Variants in DPP6 observed in about 807,000 individuals in gnomAD.
The protein encoded by DPP6 is A-type potassium channel modulatory protein DPP6.
In DPP6, 69 loss-of-function variants were observed where a neutral mutation model predicts 122.6. That is an observed-to-expected ratio of 0.56 (90% confidence interval 0.46 to 0.69). The LOEUF (loss-of-function observed/expected upper bound fraction) is 0.69, where lower values mean the gene tolerates loss of function less well. Among genes scored for constraint, DPP6 ranks in the 30% least tolerant of loss-of-function variants. The pLI is 0.00. For missense variants in DPP6, 928 were observed against 1,116.9 expected (o/e 0.83, Z 2.41); for synonymous variants, 418 against 433.1 (o/e 0.97, Z 0.43).
chr7:154,309,926 A>G (rs1806714760), intron 1 of DPP6, among the ~76,000 whole-genome samples: 1 of 151,694 alleles, frequency 6.6e-6, no homozygotes, highest in African/African-American at 2.4e-5. Context: ...GGTCTAAATT[A>G]TCTAAGACTC....
chr7:154,354,306 A>T (rs1811104078), intron 1 of DPP6, among the ~76,000 whole-genome samples: 1 of 152,190 alleles, frequency 6.6e-6, no homozygotes, highest in South Asian at 2.1e-4. Flanking sequence ...GTCATGTGTC[A>T]TGTGATAAGC....
Position 154,369,646 on chromosome 7 carries a change from G to A in DPP6, c.244-76568G>A, listed in dbSNP as rs574843637. 1.1e-4 allele frequency among the ~76,000 whole-genome samples: 16 copies of A among 151,894 alleles called. No individual in the cohort carries two copies. The East Asian group carries it at 1.2e-3, about 11-fold the overall frequency. ...CTCCCAAAGTGCTGGGATTACAGGCGTGAGCCACCACACCCAGCCTCAACT... is the reference window on the plus strand; with the variant it reads ...CTCCCAAAGTGCTGGGATTACAGGCATGAGCCACCACACCCAGCCTCAACT... On this transcript the variant is annotated intron_variant, in intron 1 of 25. Transcript: ENST00000377770.
chr7:153,957,891 C>T (rs922941655), intron 1 of DPP6, among the ~76,000 whole-genome samples: 20 of 152,150 alleles, frequency 1.3e-4, no homozygotes, highest in African/African-American at 3.6e-4. Context: ...TGCTCGGGCG[C>T]GGTGGCTCAC....
chr7:154,805,017 G>C, intron 15 of DPP6, 53 bp downstream of exon 15: 2 of 1,554,492 alleles, frequency 1.3e-6, no homozygotes, highest in Non-Finnish European at 8.7e-7. Flanking sequence ...AGGGCATCCA[G>C]GCTTTGCAGA....
intron 3 of DPP6, among the ~76,000 whole-genome samples, chr7:154,535,564 G>A (rs571850626): frequency 2.0e-5 from 3 of 151,274 alleles, no homozygotes; most frequent in Admixed American, 2.0e-4. Context: ...ACAGGCCCCA[G>A]TGTTTAAAAA....
chr7:154,288,292 A>C (rs542461470), intron 1 of DPP6, among the ~76,000 whole-genome samples: 1 of 152,312 alleles, frequency 6.6e-6, no homozygotes, highest in East Asian at 1.9e-4. Flanking sequence ...AGAAGACAAG[A>C]CACTGGAAGA....
intron 7 of DPP6, among the ~76,000 whole-genome samples, chr7:154,719,711 C>T (rs1158502201): frequency 6.6e-6 from 1 of 152,242 alleles, no homozygotes; most frequent in Non-Finnish European, 1.5e-5. Context: ...TGCAGTTCCC[C>T]TGCCTCCCTT....
intron 1 of DPP6, among the ~76,000 whole-genome samples, chr7:154,420,406 C>A (rs1247683858): frequency 6.6e-6 from 1 of 152,096 alleles, no homozygotes; most frequent in Non-Finnish European, 1.5e-5. Flanking sequence ...AAGCCAGTCA[C>A]GGAGGGACAA....
At chr7:154,006,164 C>T (rs1312551829) in intron 1 of DPP6, among the ~76,000 whole-genome samples, 1 of 152,222 alleles carries the variant, frequency 6.6e-6, no homozygotes, top group Non-Finnish European at 1.5e-5. Flanking sequence ...GTAGCAGCAT[C>T]TGCCCTGACC....
chr7:154,149,713 G>A (rs1407282296), intron 1 of DPP6, among the ~76,000 whole-genome samples: 1 of 152,222 alleles, frequency 6.6e-6, no homozygotes, highest in Non-Finnish European at 1.5e-5. Context: ...TTAACTGCTA[G>A]GATATGAATC....
intron 1 of DPP6, among the ~76,000 whole-genome samples, chr7:153,889,925 C>T (rs1799113857): frequency 6.6e-6 from 1 of 152,176 alleles, no homozygotes; most frequent in South Asian, 2.1e-4. Flanking sequence ...TTTTCATGTT[C>T]CAAGGAAATC....
chr7:154,405,155 A>G (rs1029529908), intron 1 of DPP6, among the ~76,000 whole-genome samples: 1 of 152,172 alleles, frequency 6.6e-6, no homozygotes, highest in Non-Finnish European at 1.5e-5. Flanking sequence ...TTATTATCCC[A>G]GTTTGTAGAT....
chr7:154,867,949 T>G (rs1241831190), intron 17 of DPP6, 46 bp from the exon 18 acceptor site: 1 of 1,549,028 alleles, frequency 6.5e-7, no homozygotes, highest in Admixed American at 2.0e-5. Context: ...AGGTCCTCCA[T>G]GAGTGACCAC....
intron 1 of DPP6, among the ~76,000 whole-genome samples, chr7:154,436,545 G>A (rs992654287): frequency 1.8e-4 from 28 of 152,208 alleles, no homozygotes; most frequent in African/African-American, 6.7e-4. Flanking sequence ...AGTTCAGCAC[G>A]TTAGGCCAAT....
At chr7:154,239,640 G>A (rs1159836519) in intron 1 of DPP6, among the ~76,000 whole-genome samples, 1 of 152,066 alleles carries the variant, frequency 6.6e-6, no homozygotes, top group African/African-American at 2.4e-5. Flanking sequence ...CCTGTCAGCA[G>A]TAGGCTATTA....
intron 1 of DPP6, among the ~76,000 whole-genome samples, chr7:154,216,980 A>C (rs1039258676): frequency 2.6e-5 from 4 of 152,116 alleles, no homozygotes; most frequent in African/African-American, 9.6e-5. Context: ...GATTTATTCT[A>C]ATCCTAATTG....
chr7:153,762,038 T>C, the DPP6 span, among the ~76,000 whole-genome samples: 1 of 152,228 alleles, frequency 6.6e-6, no homozygotes. Flanking sequence ...TCTAGTTACA[T>C]GTCCTGCAGT....
At chr7:154,172,519 G>C (rs1364047360) in intron 1 of DPP6, among the ~76,000 whole-genome samples, 2 of 151,916 alleles carry the variant, frequency 1.3e-5, no homozygotes, top group Non-Finnish European at 2.9e-5. Flanking sequence ...GCTTGCCCTG[G>C]ATAAAGTGCA....
At chr7:154,477,475 A>G (rs1383539268) in intron 3 of DPP6, among the ~76,000 whole-genome samples, 3 of 151,960 alleles carry the variant, frequency 2.0e-5, no homozygotes, top group African/African-American at 7.3e-5. Context: ...TATAAGGTAT[A>G]TATTTTTATT....
Sources: allele counts gnomAD v4.1 joint callset (sites outside exome capture counted in the v4.1 genomes callset), GRCh38; gene constraint gnomAD v4.1.1; transcripts MANE v1.5; gene names NCBI Gene and HGNC (gene_info 2026-07-23, HGNC 2026-07-21).